Variants in EDNRA observed in about 807,000 individuals in gnomAD.
EDNRA encodes endothelin receptor type A.
Under a neutral mutation model 41.4 loss-of-function variants are expected in EDNRA, and 11 were observed. The observed-to-expected ratio is 0.27, with a 90% CI of 0.17 to 0.44. The LOEUF is 0.44. EDNRA is among the 20% of genes least tolerant of loss of function. EDNRA has a pLI of 1.00. For missense variants in EDNRA, 294 were observed against 531.0 expected (o/e 0.55, Z 4.39); for synonymous variants, 172 against 183.0 (o/e 0.94, Z 0.49).
Position 147,542,737 on chromosome 4 carries a change from C to A in EDNRA, c.*119C>A. 7.4e-7 allele frequency: 1 copy of A among 1,351,166 alleles called. No homozygotes were observed. The highest frequency in any genetic ancestry group is 9.9e-7 in the Non-Finnish European group (1 of 1,010,516). 83.7% of individuals were successfully genotyped at this position (1,351,166 alleles called of 1,614,324 possible). ...TTCTTCCTTAATTCACTCCCACACCCAAGAAGAAATGCTTTCCAAAACCGC... is the reference window on the plus strand; with the variant it reads ...TTCTTCCTTAATTCACTCCCACACCAAAGAAGAAATGCTTTCCAAAACCGC... On this transcript the variant is annotated 3_prime_UTR_variant, in exon 8 of 8. Coordinates refer to ENST00000651419, the MANE Select transcript of EDNRA (RefSeq NM_001957.4).
chr4:147,531,145 G>C (rs558089236), intron 3 of EDNRA, among the ~76,000 whole-genome samples: 3 of 151,958 alleles, frequency 2.0e-5, no homozygotes, highest in Admixed American at 2.0e-4. Context: ...TAAAAAATAG[G>C]GTGAGCATAA....
chr4:147,524,714 T>C lies in EDNRA; in HGVS notation c.548+4736T>C, dbSNP rs1730469784. ...ATTCTTTGTTCCCTAGACACACACT[T>C]TACTATTTTTACATTTCATTTGGTA... On this transcript the variant is annotated intron_variant, in intron 3 of 7. Coordinates refer to ENST00000651419, the MANE Select transcript of EDNRA (RefSeq NM_001957.4). Among the ~76,000 whole-genome samples, 3 of 152,152 alleles carry C rather than the reference T, an allele frequency of 2.0e-5. No individual in the cohort carries two copies. In the South Asian group the frequency reaches 6.2e-4, roughly 32 times the overall value.
chr4:147,534,086 G>A (rs1408794566), intron 4 of EDNRA, among the ~76,000 whole-genome samples: 1 of 152,230 alleles, frequency 6.6e-6, no homozygotes, highest in Middle Eastern at 3.4e-3. Flanking sequence ...CCAAAGAGAT[G>A]CATTACCCAT....
rs1338088478 is a variant in EDNRA at position 147,519,551 on chromosome 4, ATATG to A, written c.421-296_421-293del. On this transcript the variant is annotated intron_variant, in intron 2 of 7. Transcript: ENST00000651419. The surrounding 1 kb of genome is among the most constrained non-coding windows in gnomAD (Gnocchi z 4.1). ...TATATAACTATAATATATTTAATATATATGTATTATATTAATACACTATATTGAT... is the reference window on the plus strand; with the variant it reads ...TATATAACTATAATATATTTAATATATATTATATTAATACACTATATTGAT... Among the ~76,000 whole-genome samples, 1 of 148,886 alleles carries A rather than the reference ATATG, an allele frequency of 6.7e-6. No homozygotes were observed. The highest frequency in any genetic ancestry group is 2.4e-5 in the African/African-American group (1 of 40,920).
intron 2 of EDNRA, chr4:147,493,054 A>C (rs943139283): frequency 6.6e-6 from 1 of 152,102 alleles, no homozygotes; most frequent in Non-Finnish European, 1.5e-5. Flanking sequence ...GACTGTTCCC[A>C]TGGCTGAGGA....
At chr4:147,526,828 T>C (rs1309680881) in intron 3 of EDNRA, among the ~76,000 whole-genome samples, 4 of 152,202 alleles carry the variant, frequency 2.6e-5, no homozygotes, top group Non-Finnish European at 5.9e-5. Context: ...TGGGCACCAA[T>C]AGTCCCAGCT....
intron 5 of EDNRA, among the ~76,000 whole-genome samples, chr4:147,537,913 A>T (rs11940834): frequency 0.012 from 1,861 of 152,234 alleles, 34 homozygotes; most frequent in African/African-American, 0.043. Context: ...CGGGAGAAAC[A>T]GCATAGAGCA....
intron 1 of EDNRA, among the ~76,000 whole-genome samples, chr4:147,481,844 T>G (rs1203266831): frequency 6.6e-6 from 1 of 152,192 alleles, no homozygotes; most frequent in Non-Finnish European, 1.5e-5. Context: ...CCAAGGGCAC[T>G]CGGTGTGAGG....
intron 3 of EDNRA, among the ~76,000 whole-genome samples, chr4:147,529,076 C>T (rs1242099447): frequency 1.3e-5 from 2 of 152,210 alleles, no homozygotes; most frequent in East Asian, 3.9e-4. Flanking sequence ...ATAACAGGTA[C>T]GATGGTGAAA....
intron 4 of EDNRA, among the ~76,000 whole-genome samples, chr4:147,534,283 AAG>A (rs1419356936): frequency 2.0e-5 from 3 of 152,156 alleles, no homozygotes; most frequent in African/African-American, 7.2e-5. Context: ...CACTTCAAAA[AAG>A]AGAGAGAGAG....
In EDNRA at chr4:147,543,217, A is replaced by G. The variant is rs200437504; in HGVS notation, c.*599A>G. 2.6e-5 allele frequency: 4 copies of G among 152,182 alleles called. No individual in the cohort carries two copies. The highest frequency in any genetic ancestry group is 4.4e-5 in the Non-Finnish European group (3 of 68,030). 9.4% of individuals were successfully genotyped at this position (152,182 alleles called of 1,614,324 possible). A position where few individuals can be genotyped will look rare whatever the true frequency, so the allele number is the denominator to read the frequency against. On this transcript the variant is annotated 3_prime_UTR_variant, in exon 8 of 8. Coordinates refer to ENST00000651419, the MANE Select transcript of EDNRA (RefSeq NM_001957.4). ...AAATAGTATTCAGGTGAGCAATTAG[A>G]TTAGTATTTTCCACGTCACTGTTTA...
chr4:147,512,894 C>T (rs904352618), intron 2 of EDNRA, among the ~76,000 whole-genome samples: 5 of 152,012 alleles, frequency 3.3e-5, no homozygotes, highest in African/African-American at 1.2e-4. Flanking sequence ...CCATGGGTGA[C>T]CATAACCATG....
rs980365496 is a variant in EDNRA at position 147,497,847 on chromosome 4, A to G, written c.420+11746A>G. 3.1e-4 allele frequency among the ~76,000 whole-genome samples: 47 copies of G among 152,216 alleles called. 1 individual carries two copies. The highest frequency in any genetic ancestry group is 5.6e-4 in the Non-Finnish European group (38 of 68,038). On this transcript the variant is annotated intron_variant, in intron 2 of 7. Coordinates refer to ENST00000651419, the MANE Select transcript of EDNRA (RefSeq NM_001957.4). ...TCGGCCTCCAAAGTGCTGGGATTAC[A>G]GGCCTGAGCCACCGCGCCCAGCCTC...
chr4:147,527,717 C>T (rs1419012077), intron 3 of EDNRA, among the ~76,000 whole-genome samples: 2 of 152,276 alleles, frequency 1.3e-5, no homozygotes, highest in Middle Eastern at 6.8e-3. Flanking sequence ...TAGGCACACG[C>T]ACTAACAAAC....
intron 2 of EDNRA, among the ~76,000 whole-genome samples, chr4:147,511,816 G>A (rs1450316152): frequency 6.6e-6 from 1 of 152,032 alleles, no homozygotes. Context: ...TTTTCCATTA[G>A]GTTTTGGGAC....
intron 2 of EDNRA, among the ~76,000 whole-genome samples, chr4:147,513,576 T>C (rs1729997249): frequency 6.6e-6 from 1 of 152,192 alleles, no homozygotes; most frequent in South Asian, 2.1e-4. Context: ...TGTTTGCTAC[T>C]GAGTCAACTA....
rs765070131 is a variant in EDNRA at position 147,539,804 on chromosome 4, C to G, written c.901-13C>G. The G allele has an allele frequency of 6.3e-7, 1 of 1,599,822 alleles. No individual in the cohort carries two copies. The highest frequency in any genetic ancestry group is 1.1e-5 in the South Asian group (1 of 87,992). ...TAAATTTGTTGTCCTATTTTTTTCTCACTTTCCTTTAGCGTCGAGAAGTGG... is the reference window on the plus strand; with the variant it reads ...TAAATTTGTTGTCCTATTTTTTTCTGACTTTCCTTTAGCGTCGAGAAGTGG... On this transcript the variant is annotated splice_polypyrimidine_tract_variant and intron_variant, in intron 5 of 7. Transcript: ENST00000651419.
At chr4:147,483,713 T>C (rs1398992923) in intron 1 of EDNRA, among the ~76,000 whole-genome samples, 1 of 142,626 alleles carries the variant, frequency 7.0e-6, no homozygotes, top group African/African-American at 2.8e-5. Context: ...TTTTTACTTT[T>C]TATTTATTTA....
At chr4:147,523,477 GTTGTT>G (rs1730404435) in intron 3 of EDNRA, among the ~76,000 whole-genome samples, 1 of 102,744 alleles carries the variant, frequency 9.7e-6, no homozygotes, top group African/African-American at 6.6e-5. Context: ...TTTTGTTGTT[GTTGTT>G]TTTTTGTTTT....
Sources: allele counts gnomAD v4.1 joint callset (sites outside exome capture counted in the v4.1 genomes callset), GRCh38; gene constraint gnomAD v4.1.1; non-coding constraint Gnocchi (gnomAD v3.1); transcripts MANE v1.5; gene names NCBI Gene and HGNC (gene_info 2026-07-23, HGNC 2026-07-21).